Variants in KCNMA1 observed in about 807,000 individuals in gnomAD.
KCNMA1 encodes potassium calcium-activated channel subfamily M alpha 1.
A neutral mutation model predicts 140.0 loss-of-function variants in KCNMA1; 29 were observed. The ratio of observed to expected loss-of-function variants is 0.21; its 90% CI spans 0.15 to 0.28. The LOEUF is 0.28. Among genes scored for constraint, KCNMA1 ranks in the 10% least tolerant of loss-of-function variants. The pLI is 1.00. For missense variants in KCNMA1, 880 were observed against 1,602.2 expected (o/e 0.55, Z 7.70); for synonymous variants, 612 against 611.9 (o/e 1.00, Z 0.00).
chr10:77,373,518 T>C (rs1431571497), intron 2 of KCNMA1, among the ~76,000 whole-genome samples: 1 of 152,224 alleles, frequency 6.6e-6, no homozygotes, highest in Non-Finnish European at 1.5e-5. Flanking sequence ...GCTTCATACC[T>C]GGGGCTAAGT....
intron 9 of KCNMA1, among the ~76,000 whole-genome samples, chr10:77,093,621 T>C (rs556325613): frequency 8.5e-5 from 13 of 152,292 alleles, no homozygotes; most frequent in African/African-American, 2.9e-4. Flanking sequence ...ATGGGGAACA[T>C]TTATTTACCA....
chr10:77,281,962 C>T (rs746484302), intron 2 of KCNMA1, among the ~76,000 whole-genome samples: 16 of 152,108 alleles, frequency 1.1e-4, no homozygotes, highest in Admixed American at 2.6e-4. Context: ...CTGGGTGTTA[C>T]GATAACCATG....
chr10:77,168,195 T>C (rs2098664935), intron 5 of KCNMA1, among the ~76,000 whole-genome samples: 1 of 152,220 alleles, frequency 6.6e-6, no homozygotes, highest in Non-Finnish European at 1.5e-5. Flanking sequence ...GAATTCTTGC[T>C]GTATCACTTG....
chr10:77,287,227 C>T (rs750083184), intron 2 of KCNMA1, among the ~76,000 whole-genome samples: 2 of 152,194 alleles, frequency 1.3e-5, no homozygotes, highest in Admixed American at 6.5e-5. Context: ...TGCACTGAGA[C>T]CCTTGTCTGA....
chr10:77,003,982 C>T (rs1163017141), intron 18 of KCNMA1, among the ~76,000 whole-genome samples: 1 of 152,116 alleles, frequency 6.6e-6, no homozygotes, highest in Non-Finnish European at 1.5e-5. Context: ...GGCGACCATG[C>T]ATTGTTCTAA....
chr10:77,028,728 T>C (rs1594145641), intron 15 of KCNMA1, among the ~76,000 whole-genome samples: 1 of 152,302 alleles, frequency 6.6e-6, no homozygotes, highest in African/African-American at 2.4e-5. Flanking sequence ...GAACTTTGTC[T>C]CCTTAACCAG....
At chr10:77,223,488 A>G (rs11002089) in intron 3 of KCNMA1, among the ~76,000 whole-genome samples, 45,999 of 152,094 alleles carry the variant, frequency 0.3, 7,491 homozygotes, top group Non-Finnish European at 0.35. Flanking sequence ...ATCAGAGTGT[A>G]TCTAGAATGA....
intron 27 of KCNMA1, among the ~76,000 whole-genome samples, chr10:76,889,144 C>T (rs760431176): frequency 6.6e-6 from 1 of 152,200 alleles, no homozygotes; most frequent in African/African-American, 2.4e-5. Flanking sequence ...TAGGTACCAA[C>T]AGATGTTATC....
rs1465170391 is a variant in KCNMA1, at chr10:77,337,897, A to T, written c.540+65965T>A. On this transcript the variant is annotated intron_variant, in intron 2 of 27. Coordinates refer to ENST00000286628, the MANE Select transcript of KCNMA1 (RefSeq NM_001161352.2). ...CATGTTTTCTTCCTGCAGTATGGCA[A>T]ATGGAAGGACATGTTAAAATGAAGA... Among the ~76,000 whole-genome samples, 4 of 152,204 alleles carry T rather than the reference A, an allele frequency of 2.6e-5. 1 individual carries two copies. In the South Asian group the frequency reaches 6.2e-4, roughly 24 times the overall value.
At chr10:77,446,065 G>A (rs919737267) in intron 1 of KCNMA1, among the ~76,000 whole-genome samples, 5 of 151,976 alleles carry the variant, frequency 3.3e-5, no homozygotes, top group Admixed American at 3.3e-4. Context: ...GGAGCTGGCT[G>A]GACCCTAATC....
At chr10:77,305,558 A>C (rs1244050771) in intron 2 of KCNMA1, among the ~76,000 whole-genome samples, 1 of 152,190 alleles carries the variant, frequency 6.6e-6, no homozygotes, top group Non-Finnish European at 1.5e-5. Flanking sequence ...TCTCTACCAA[A>C]GGTTTAATGC....
chr10:77,324,353 T>A (rs938261421), intron 2 of KCNMA1, among the ~76,000 whole-genome samples: 1 of 152,120 alleles, frequency 6.6e-6, no homozygotes, highest in Non-Finnish European at 1.5e-5. Context: ...TGTATCCTAG[T>A]GAGAATTACA....
chr10:76,968,346 C>T (rs1180953057), intron 20 of KCNMA1, among the ~76,000 whole-genome samples: 1 of 152,150 alleles, frequency 6.6e-6, no homozygotes, highest in African/African-American at 2.4e-5. Flanking sequence ...AAAACTTTGA[C>T]ACAGCTTTGA....
Position 77,236,678 on chromosome 10 carries a change from G to A in KCNMA1, c.602+14517C>T, listed in dbSNP as rs920055469. Among the ~76,000 whole-genome samples the A allele has an allele frequency of 3.3e-5, 5 of 152,132 alleles. 1 individual carries two copies. The South Asian group carries it at 6.2e-4, about 19-fold the overall frequency. ...CAGTACATTTATACAGTATACATAC[G>A]TTTATACAGTATATATACATTTATA... On this transcript the variant is annotated intron_variant, in intron 3 of 27. Coordinates refer to ENST00000286628, the MANE Select transcript of KCNMA1 (RefSeq NM_001161352.2).
At chr10:77,344,787 T>C (rs890919524) in intron 2 of KCNMA1, among the ~76,000 whole-genome samples, 4 of 152,160 alleles carry the variant, frequency 2.6e-5, no homozygotes, top group African/African-American at 9.7e-5. Flanking sequence ...TATTGATTTA[T>C]TATTTTTTTA....
downstream of KCNMA1, among the ~76,000 whole-genome samples, chr10:76,882,027 G>T (rs2034878198): frequency 6.6e-6 from 1 of 152,094 alleles, no homozygotes; most frequent in Admixed American, 6.5e-5. Flanking sequence ...TAAAATAAGG[G>T]TCAAAACCTC....
At chr10:77,507,336 C>T (rs561289521) in intron 1 of KCNMA1, among the ~76,000 whole-genome samples, 2 of 152,202 alleles carry the variant, frequency 1.3e-5, no homozygotes, top group African/African-American at 2.4e-5. Context: ...AGAAGAGCAA[C>T]GTGGAGATGA....
chr10:77,159,592 C>A (rs1336414935), intron 5 of KCNMA1, among the ~76,000 whole-genome samples: 1 of 152,212 alleles, frequency 6.6e-6, no homozygotes, highest in Non-Finnish European at 1.5e-5. Context: ...GTTACACCTA[C>A]ATCCTTGCTT....
chr10:77,000,330 C>T (rs1421509947), intron 19 of KCNMA1, among the ~76,000 whole-genome samples: 1 of 152,202 alleles, frequency 6.6e-6, no homozygotes, highest in African/African-American at 2.4e-5. Context: ...CCAGTGGAAC[C>T]ACAGCCTTTT....
Sources: gnomAD v4.1 joint callset for allele counts (sites outside exome capture counted in the v4.1 genomes callset) on GRCh38, gnomAD v4.1.1 for gene constraint, MANE v1.5 for transcripts, NCBI Gene and HGNC (gene_info 2026-07-23, HGNC 2026-07-21) for gene names.